Variants in SLC25A35 observed in about 807,000 individuals in gnomAD.
SLC25A35 encodes solute carrier family 25, member 35.
Under a neutral mutation model 30.5 loss-of-function variants are expected in SLC25A35, and 32 were observed. The observed-to-expected ratio is 1.05, with a 90% confidence interval of 0.79 to 1.41. SLC25A35 has a LOEUF of 1.41. Ranked by LOEUF, SLC25A35 falls within the 40% of genes most tolerant of loss-of-function variation. The pLI, the probability that SLC25A35 is intolerant of heterozygous loss-of-function variation, is 0.00. For synonymous variants in SLC25A35, 142 were observed against 158.1 expected (o/e 0.90, Z 0.77); for missense variants, 369 against 388.0 (o/e 0.95, Z 0.41).
At chr17:8,289,338 A>C, downstream of SLC25A35, 1 of 1,614,120 alleles carries the variant, frequency 6.2e-7, no homozygotes, top group Non-Finnish European at 8.5e-7. Flanking sequence ...AGTTTGGAGA[A>C]CCTGGCCCTG....
chr17:8,294,553 C>T lies in SLC25A35; in HGVS notation c.255G>A (p.Gly85=), dbSNP rs140318478. 74 of 1,613,988 alleles carry T rather than the reference C, an allele frequency of 4.6e-5. No individual in the cohort carries two copies. In the African/African-American group the frequency reaches 9.6e-4, roughly 21 times the overall value. The change falls in exon 1 of 5, where the codon GGG becomes GGA. Residue 85 remains glycine, a synonymous_variant. Transcript: ENST00000577745. ...LMNGIRLGTY[G]LAEAGGYLHT... The stretch of plus-strand genomic sequence containing the variant: ...GCAGGTAGCCCCCAGCCTCAGCCAG[C>T]CCATAGGTGCCCAGTCGGATGCCAT...
chr17:8,288,582 C>T (rs947264163), downstream of SLC25A35: 5 of 639,084 alleles, frequency 7.8e-6, no homozygotes, highest in African/African-American at 1.8e-5. Flanking sequence ...GCGCGGCTTC[C>T]GGAGCAAAGC....
At chr17:8,288,738 A>T, downstream of SLC25A35, 1 of 1,600,340 alleles carries the variant, frequency 6.2e-7, no homozygotes, top group South Asian at 1.1e-5. Context: ...ACGTGACCCA[A>T]TGTGGACTTC....
chr17:8,289,164 C>T, downstream of SLC25A35: 3 of 1,600,202 alleles, frequency 1.9e-6, no homozygotes, highest in Non-Finnish European at 2.6e-6. Flanking sequence ...GGCGGTGAGA[C>T]CACGCACGGG....
At chr17:8,292,669 T>C in intron 1 of SLC25A35, 81 bp from the exon 2 acceptor site, 4 of 1,205,884 alleles carry the variant, frequency 3.3e-6, no homozygotes, top group Non-Finnish European at 4.9e-6. Context: ...CCCCTCACAC[T>C]TCCTCTAGGG....
At chr17:8,289,187 C>G, downstream of SLC25A35, 1 of 1,602,804 alleles carries the variant, frequency 6.2e-7, no homozygotes, top group Non-Finnish European at 8.5e-7. Flanking sequence ...GGGAGCCAGG[C>G]CTGCAACTTA....
At position 8,292,609 on chromosome 17, in the gene SLC25A35, T is replaced by C. The variant is rs776999403; in HGVS notation, c.376-21A>G. The C allele has an allele frequency of 3.7e-6, 6 of 1,613,436 alleles. 1 individual carries two copies. Among genetic ancestry groups the C allele is most frequent in the Non-Finnish European group, 5.1e-6 (6 of 1,179,386 alleles). On this transcript the variant is annotated intron_variant, in intron 1 of 4. Transcript: ENST00000577745. ...TTCACCTGGGAACAAGAGAATATCATAGCCTGTGCCCCAGTGGCCATCCTC... is the reference window on the plus strand; with the variant it reads ...TTCACCTGGGAACAAGAGAATATCACAGCCTGTGCCCCAGTGGCCATCCTC...
At chr17:8,288,150 G>A (rs1304836978), downstream of SLC25A35, 2 of 158,874 alleles carry the variant, frequency 1.3e-5, no homozygotes, top group East Asian at 3.8e-4. Context: ...AAAAGGACGA[G>A]GAGGCCAGGC....
At chr17:8,288,774 C>T (rs1278534467), downstream of SLC25A35, 1 of 1,613,886 alleles carries the variant, frequency 6.2e-7, no homozygotes, top group Admixed American at 1.7e-5. Context: ...ATGCCCATAA[C>T]CCAGCCTCAG....
Position 8,295,035 on chromosome 17 carries a change from A to T in SLC25A35, c.-228T>A. On this transcript the variant is annotated 5_prime_UTR_variant, in exon 1 of 5. Coordinates refer to ENST00000577745, the MANE Select transcript of SLC25A35 (RefSeq NM_001320870.2). The stretch of plus-strand genomic sequence containing the variant: ...AGCAGGGAAGAGATAGAAATCTAGG[A>T]GATTCTGGTGAGAAGCTTAAGGCAG... 7.4e-7 allele frequency: 1 copy of T among 1,357,654 alleles called. No individual in the cohort carries two copies. The highest frequency in any genetic ancestry group is 9.5e-7 in the Non-Finnish European group (1 of 1,056,820). The allele number at this position is 1,357,654 out of a possible 1,614,324, so 84.1% of individuals were successfully genotyped here.
chr17:8,294,277 A>G (rs1481805586), intron 1 of SLC25A35, among the ~76,000 whole-genome samples, 156 bp downstream of exon 1: 2 of 152,200 alleles, frequency 1.3e-5, no homozygotes, highest in Non-Finnish European at 2.9e-5. Flanking sequence ...TGTATAGGGC[A>G]GATCAGAAGA....
chr17:8,294,955 G>T lies in SLC25A35; in HGVS notation c.-148C>A. The T allele has an allele frequency of 7.0e-7, 1 of 1,428,554 alleles. No homozygotes were observed. The highest frequency in any genetic ancestry group is 2.5e-5 in the East Asian group (1 of 39,508). The allele number at this position is 1,428,554 out of a possible 1,614,324, so 88.5% of individuals were successfully genotyped here. ...TTAGATTTGCAGTCAAGGGTGTCAG[G>T]GTCAAATGTCAAGTGGTCAAACGTC... On this transcript the variant is annotated 5_prime_UTR_variant, in exon 1 of 5. Coordinates refer to ENST00000577745, the MANE Select transcript of SLC25A35 (RefSeq NM_001320870.2).
At chr17:8,290,756 G>T in intron 4 of SLC25A35, 78 bp from the exon 5 acceptor site, 1 of 1,602,320 alleles carries the variant, frequency 6.2e-7, no homozygotes, top group Non-Finnish European at 8.5e-7. Flanking sequence ...ACCTCTACAG[G>T]CTGCATTTCA....
Position 8,290,422 on chromosome 17 carries a change from C to A in SLC25A35, c.*83G>T, listed in dbSNP as rs1226193780. 6.7e-7 allele frequency: 1 copy of A among 1,491,678 alleles called. No individual in the cohort carries two copies. 92.4% of individuals were successfully genotyped at this position (1,491,678 alleles called of 1,614,324 possible). A position where few individuals can be genotyped will look rare whatever the true frequency, so the allele number is the denominator to read the frequency against. On this transcript the variant is annotated 3_prime_UTR_variant, in exon 5 of 5. Transcript: ENST00000577745. The stretch of plus-strand genomic sequence containing the variant: ...CCCCCATGGATGGATGAAAGGTCAC[C>A]TAATCAGTAGTCACCAGGACATAGT...
chr17:8,294,815 T>C lies in SLC25A35; in HGVS notation c.-8A>G, dbSNP rs369889121. The C allele has an allele frequency of 4.8e-5, 75 of 1,564,618 alleles. No homozygotes were observed. In the African/African-American group the frequency reaches 7.1e-4, roughly 15 times the overall value. ...ACTCATCAAGAAGTCCATGGTGGGA[T>C]AGCTGTAGCAGGAACTGACCCAAGA... On this transcript the variant is annotated 5_prime_UTR_variant, in exon 1 of 5. Coordinates refer to ENST00000577745, the MANE Select transcript of SLC25A35 (RefSeq NM_001320870.2).
At chr17:8,289,617 C>G (rs202136880), downstream of SLC25A35, 1 of 1,608,578 alleles carries the variant, frequency 6.2e-7, no homozygotes, top group African/African-American at 1.3e-5. Flanking sequence ...GCGGGTATCT[C>G]ATGACTGGGT....
downstream of SLC25A35, chr17:8,289,696 G>C (rs1990328173): frequency 6.2e-7 from 1 of 1,610,538 alleles, no homozygotes. Context: ...AAGGAAGCAG[G>C]AGTGGGCCAG....
downstream of SLC25A35, chr17:8,288,371 G>T: frequency 3.8e-6 from 1 of 260,034 alleles, no homozygotes; most frequent in South Asian, 4.1e-5. Context: ...AGTCCTGGAG[G>T]TGGAGACTGC....
downstream of SLC25A35, chr17:8,289,611 G>T: frequency 3.1e-6 from 5 of 1,609,510 alleles, no homozygotes; most frequent in Non-Finnish European, 4.3e-6. Context: ...GAACGGGCGG[G>T]TATCTCATGA....
Sources: allele counts gnomAD v4.1 joint callset (sites outside exome capture counted in the v4.1 genomes callset), GRCh38; gene constraint gnomAD v4.1.1; transcripts MANE v1.5; gene names NCBI Gene and HGNC (gene_info 2026-07-23, HGNC 2026-07-21).